Variants in NAA40 observed in about 807,000 individuals in gnomAD.
The protein encoded by NAA40 is N-alpha-acetyltransferase 40.
A neutral mutation model predicts 36.6 loss-of-function variants in NAA40; 26 were observed. That is an observed-to-expected ratio of 0.71 (90% CI 0.52 to 0.98). NAA40 has a LOEUF of 0.98. Ranked by LOEUF, NAA40 falls within the 50% of genes least tolerant of loss-of-function variation. The pLI is 0.00. For synonymous variants in NAA40, 129 were observed against 108.4 expected (o/e 1.19, Z -1.18); for missense variants, 237 against 306.5 (o/e 0.77, Z 1.69).
intron 3 of NAA40, among the ~76,000 whole-genome samples, chr11:63,950,616 C>A (rs1266356721): frequency 6.6e-6 from 1 of 151,976 alleles, no homozygotes; most frequent in East Asian, 1.9e-4. Flanking sequence ...GCACCCCCCA[C>A]CACGCCCGGC....
chr11:63,939,854 G>A (rs1470082923), intron 1 of NAA40, among the ~76,000 whole-genome samples: 1 of 152,086 alleles, frequency 6.6e-6, no homozygotes, highest in Admixed American at 6.6e-5. Flanking sequence ...GCCCAGCCGC[G>A]GATGGATATT....
chr11:63,954,734 C>T lies in NAA40; in HGVS notation c.*255C>T. The stretch of plus-strand genomic sequence containing the variant: ...GCCGGGCAGTGAAGCTCATCCTCCA[C>T]AGTGGCTGCCTCCTCATTTGGCTCC... On this transcript the variant is annotated 3_prime_UTR_variant, in exon 8 of 8. Coordinates refer to ENST00000377793, the MANE Select transcript of NAA40 (RefSeq NM_024771.4). 2.9e-6 allele frequency: 1 copy of T among 344,486 alleles called. No homozygotes were observed. The highest frequency in any genetic ancestry group is 4.7e-5 in the East Asian group (1 of 21,248). 21.3% of individuals were successfully genotyped at this position (344,486 alleles called of 1,614,324 possible).
Position 63,950,757 on chromosome 11 carries a change from C to T in NAA40, c.156-1481C>T, listed in dbSNP as rs559736185. ...GATTACAGGCGTGAGCCACTGTGCCCGGCCTCATAGTGTTTTCATATTCCG... is the reference window on the plus strand; with the variant it reads ...GATTACAGGCGTGAGCCACTGTGCCTGGCCTCATAGTGTTTTCATATTCCG... On this transcript the variant is annotated intron_variant, in intron 3 of 7. Coordinates refer to ENST00000377793, the MANE Select transcript of NAA40 (RefSeq NM_024771.4). 7.1e-4 allele frequency among the ~76,000 whole-genome samples: 108 copies of T among 152,296 alleles called. 1 individual carries two copies. Among genetic ancestry groups the T allele is most frequent in the African/African-American group, 1.7e-3 (71 of 41,562 alleles).
chr11:63,943,298 C>T (rs1020672241), intron 1 of NAA40, among the ~76,000 whole-genome samples: 2 of 152,222 alleles, frequency 1.3e-5, no homozygotes, highest in African/African-American at 4.8e-5. Flanking sequence ...CTCTGTCCCT[C>T]ACCTCTGCCT....
intron 1 of NAA40, among the ~76,000 whole-genome samples, chr11:63,941,155 C>G (rs1208302297): frequency 2.6e-5 from 4 of 152,168 alleles, no homozygotes; most frequent in Non-Finnish European, 5.9e-5. Flanking sequence ...CACATGAGAC[C>G]CTACAAAGTC....
At chr11:63,939,722 G>A (rs1276317786) in intron 1 of NAA40, among the ~76,000 whole-genome samples, 2 of 152,158 alleles carry the variant, frequency 1.3e-5, no homozygotes, top group East Asian at 3.9e-4. Context: ...GACGCCTCCT[G>A]GTTGCAATGA....
At chr11:63,947,727 G>GTTTTTT (rs55682014) in intron 3 of NAA40, among the ~76,000 whole-genome samples, 3 of 118,180 alleles carry the variant, frequency 2.5e-5, no homozygotes, top group Non-Finnish European at 3.3e-5. Context: ...ATTTTTGTGG[G>GTTTTTT]TTTTTTTTTT....
chr11:63,950,567 A>G (rs1317983164), intron 3 of NAA40, among the ~76,000 whole-genome samples: 2 of 151,996 alleles, frequency 1.3e-5, no homozygotes, highest in African/African-American at 2.4e-5. Flanking sequence ...GGTACAAGCA[A>G]TTCTCCTGCC....
chr11:63,951,179 C>CA (rs1305106756), intron 3 of NAA40, among the ~76,000 whole-genome samples: 2 of 152,154 alleles, frequency 1.3e-5, no homozygotes, highest in Non-Finnish European at 2.9e-5. Flanking sequence ...TTTGCTGACT[C>CA]TAGTCCTTTC....
chr11:63,939,223 G>C, intron 1 of NAA40, 121 bp downstream of exon 1: 1 of 1,279,010 alleles, frequency 7.8e-7, no homozygotes, highest in East Asian at 3.2e-5. Context: ...CGTGACCCCT[G>C]ACCCCCACAT....
Position 63,941,983 on chromosome 11 carries a change from T to G in NAA40, c.6+2881T>G, listed in dbSNP as rs576093705. Among the ~76,000 whole-genome samples the G allele has an allele frequency of 1.6e-3, 247 of 152,328 alleles. 1 individual carries two copies. Among genetic ancestry groups the G allele is most frequent in the Middle Eastern group, 3.4e-3 (1 of 294 alleles). ...CACATGGAAACATTTATGTAACACT[T>G]TATAACAAAAAATGCCATATACATG... On this transcript the variant is annotated intron_variant, in intron 1 of 7. Coordinates refer to ENST00000377793, the MANE Select transcript of NAA40 (RefSeq NM_024771.4).
Position 63,957,191 on chromosome 11 carries a change from G to GATATATAT in NAA40, c.*2727_*2734dup, listed in dbSNP as rs149120523. 2.5e-4 allele frequency: 34 copies of GATATATAT among 135,122 alleles called. No individual in the cohort carries two copies. Among genetic ancestry groups the GATATATAT allele is most frequent in the African/African-American group, 9.2e-4 (34 of 36,902 alleles). The allele number at this position is 135,122 out of a possible 1,614,324, so 8.4% of individuals were successfully genotyped here. A position where few individuals can be genotyped will look rare whatever the true frequency, so the allele number is the denominator to read the frequency against. On this transcript the variant is annotated 3_prime_UTR_variant, in exon 8 of 8. Coordinates refer to ENST00000377793, the MANE Select transcript of NAA40 (RefSeq NM_024771.4). ...AGGAAATTTGGAAGATAAACTCCTT[G>GATATATAT]ATATATATATATATATATATATTTT...
intron 1 of NAA40, chr11:63,939,592 C>A: frequency 3.3e-6 from 2 of 611,838 alleles, no homozygotes; most frequent in Non-Finnish European, 4.1e-6. Context: ...CAGTCCACTG[C>A]CCTTCCCGTT....
At chr11:63,953,529 A>C (rs1163657575) in intron 6 of NAA40, among the ~76,000 whole-genome samples, 1 of 152,234 alleles carries the variant, frequency 6.6e-6, no homozygotes, top group African/African-American at 2.4e-5. Flanking sequence ...CAAGACCTCC[A>C]GAGGCTAGAG....
intron 2 of NAA40, 32 bp downstream of exon 2, chr11:63,945,967 C>T: frequency 6.4e-7 from 1 of 1,558,862 alleles, no homozygotes; most frequent in Non-Finnish European, 8.9e-7. Context: ...GTCCCTGCCT[C>T]CTGGGACTTC....
rs137882041 is a variant in NAA40 at position 63,947,106 on chromosome 11, C to T, written c.155+103C>T. ...AGACACAAATTTTCTCATTGTTCTT[C>T]GTATTTACGAAAAAACAGGGCTGGG... is the stretch of plus-strand genomic sequence containing the variant. On this transcript the variant is annotated intron_variant, in intron 3 of 7. Transcript: ENST00000377793. 1.0e-4 allele frequency: 134 copies of T among 1,277,944 alleles called. No homozygotes were observed. The East Asian group carries it at 2.9e-3, about 27-fold the overall frequency. 79.2% of individuals were successfully genotyped at this position (1,277,944 alleles called of 1,614,324 possible).
chr11:63,939,752 T>G (rs1009231123), intron 1 of NAA40, among the ~76,000 whole-genome samples: 11 of 151,984 alleles, frequency 7.2e-5, no homozygotes, highest in Non-Finnish European at 1.3e-4. Context: ...TACGACCGCT[T>G]GGGTTGTTAG....
At chr11:63,951,154 T>C (rs1942273211) in intron 3 of NAA40, among the ~76,000 whole-genome samples, 1 of 152,232 alleles carries the variant, frequency 6.6e-6, no homozygotes, top group Non-Finnish European at 1.5e-5. Flanking sequence ...ACGGGAGCTC[T>C]TTAAAGGCTT....
At chr11:63,946,290 T>C in intron 2 of NAA40, 1 of 259,394 alleles carries the variant, frequency 3.9e-6, no homozygotes, top group Non-Finnish European at 7.6e-6. Flanking sequence ...ACTTCAACCT[T>C]GCAGCCTCTG....
Sources: gnomAD v4.1 joint callset for allele counts (sites outside exome capture counted in the v4.1 genomes callset) on GRCh38, gnomAD v4.1.1 for gene constraint, MANE v1.5 for transcripts, NCBI Gene and HGNC (gene_info 2026-07-23, HGNC 2026-07-21) for gene names.